PRKN: variants seen among roughly 807,000 people sequenced by gnomAD.
The protein encoded by PRKN is E3 ubiquitin-protein ligase parkin.
PRKN carries 56 observed loss-of-function variants against 59.5 expected under a neutral mutation model. That is an observed-to-expected ratio of 0.94 (90% CI 0.76 to 1.18). The LOEUF (loss-of-function observed/expected upper bound fraction) is 1.18, where lower values mean the gene tolerates loss of function less well. PRKN is among the 50% of genes most tolerant of loss of function. PRKN has a pLI of 0.00. For missense variants in PRKN, 657 were observed against 596.4 expected (o/e 1.10, Z -1.06); for synonymous variants, 250 against 222.1 (o/e 1.13, Z -1.12).
intron 2 of PRKN, among the ~76,000 whole-genome samples, chr6:162,314,205 A>T (rs1363315416): frequency 6.6e-6 from 1 of 152,180 alleles, no homozygotes; most frequent in Non-Finnish European, 1.5e-5. Context: ...TTCTGGGTTG[A>T]GTAAAGGGAA....
intron 7 of PRKN, among the ~76,000 whole-genome samples, chr6:161,624,403 C>T (rs1285137227): frequency 2.6e-5 from 4 of 152,118 alleles, no homozygotes; most frequent in South Asian, 2.1e-4. Flanking sequence ...TTCACAATAC[C>T]GTAACATAAT....
chr6:162,544,942 G>A (rs1260113533), intron 1 of PRKN, among the ~76,000 whole-genome samples: 10 of 149,724 alleles, frequency 6.7e-5, no homozygotes, highest in South Asian at 2.1e-4. Context: ...CTCCCAAAGC[G>A]CTGGGATTAC....
chr6:162,349,382 G>A lies in PRKN; in HGVS notation c.172-86617C>T, dbSNP rs529841841. 2.8e-3 allele frequency among the ~76,000 whole-genome samples: 425 copies of A among 152,220 alleles called. 5 individuals carry two copies. Among genetic ancestry groups the A allele is most frequent in the Non-Finnish European group, 3.3e-3 (223 of 68,000 alleles). ...ATGAGGGGGCAGAGGCAGGAGAATC[G>A]CTGGAACCCAGGAAGCAGAGGTTGC... is the stretch of plus-strand genomic sequence containing the variant. On this transcript the variant is annotated intron_variant, in intron 2 of 11. Coordinates refer to ENST00000366898, the MANE Select transcript of PRKN (RefSeq NM_004562.3).
intron 6 of PRKN, among the ~76,000 whole-genome samples, chr6:161,829,913 A>T (rs1223914214): frequency 7.9e-5 from 12 of 152,078 alleles, no homozygotes; most frequent in African/African-American, 2.9e-4. Context: ...ATATGTAGCA[A>T]GTGAACAAGT....
At chr6:162,231,845 C>T (rs951935968) in intron 3 of PRKN, among the ~76,000 whole-genome samples, 1 of 152,098 alleles carries the variant, frequency 6.6e-6, no homozygotes, top group African/African-American at 2.4e-5. Context: ...TTAAACAAGG[C>T]AATCTCTCCC....
chr6:162,062,073 T>C (rs1371303797), intron 4 of PRKN, among the ~76,000 whole-genome samples: 1 of 152,162 alleles, frequency 6.6e-6, no homozygotes, highest in Non-Finnish European at 1.5e-5. Context: ...GGTAGTCATG[T>C]GAGATAAATG....
At chr6:162,727,600 G>A (rs2128243085) in intron 1 of PRKN, 62 bp downstream of exon 1, 1 of 1,528,222 alleles carries the variant, frequency 6.5e-7, no homozygotes, top group Middle Eastern at 1.7e-4. Flanking sequence ...GAGGCGGGGC[G>A]TGGCGCCATA....
At chr6:161,899,000 T>C (rs993625564) in intron 6 of PRKN, among the ~76,000 whole-genome samples, 2 of 152,220 alleles carry the variant, frequency 1.3e-5, no homozygotes, top group Admixed American at 6.5e-5. Context: ...GGGCAGGGAA[T>C]CCAAGGGCTC....
chr6:161,469,429 T>C (rs907610957), intron 9 of PRKN, among the ~76,000 whole-genome samples: 1 of 152,148 alleles, frequency 6.6e-6, no homozygotes, highest in Admixed American at 6.5e-5. Context: ...TATTTCTTCA[T>C]AGCAGTGTGA....
intron 3 of PRKN, among the ~76,000 whole-genome samples, chr6:162,216,111 G>A (rs1459938062): frequency 7.9e-5 from 12 of 152,172 alleles, no homozygotes; most frequent in Non-Finnish European, 1.2e-4. Flanking sequence ...TGGACAGGAT[G>A]GGGAATAGCT....
chr6:162,317,272 C>T (rs1432771326), intron 2 of PRKN, among the ~76,000 whole-genome samples: 2 of 151,972 alleles, frequency 1.3e-5, no homozygotes, highest in Non-Finnish European at 2.9e-5. Flanking sequence ...GGGCACTTTC[C>T]CCGATACTGT....
chr6:161,380,921 C>T (rs73021276), intron 10 of PRKN, among the ~76,000 whole-genome samples: 9,917 of 152,160 alleles, frequency 0.065, 451 homozygotes, highest in South Asian at 0.2. Flanking sequence ...AGGTGTCTCC[C>T]CAACACCCCA....
Position 161,379,608 on chromosome 6 carries a change from C to G in PRKN, c.1167+7186G>C, listed in dbSNP as rs1785881046. Among the ~76,000 whole-genome samples, 1 of 152,212 alleles carries G rather than the reference C, an allele frequency of 6.6e-6. No individual in the cohort carries two copies. The highest frequency in any genetic ancestry group is 2.1e-4 in the South Asian group (1 of 4,834). ...GGGAAGTGCCCCCAGCTGAAGAAAG[C>G]TGCTTCACCCAAAGCCTTTCTTCCT... is the stretch of plus-strand genomic sequence containing the variant. On this transcript the variant is annotated intron_variant, in intron 10 of 11. Transcript: ENST00000366898. This position sits in a 1 kb window ranked among gnomAD's most constrained non-coding sequence, Gnocchi z 4.9.
chr6:162,331,783 C>A (rs1442125285), intron 2 of PRKN, among the ~76,000 whole-genome samples: 1 of 152,148 alleles, frequency 6.6e-6, no homozygotes, highest in East Asian at 1.9e-4. Context: ...TCTGATTGAC[C>A]TGGCATTTTC....
chr6:161,566,059 C>T lies in PRKN; in HGVS notation c.933+3296G>A, dbSNP rs942403976. ...TTACCATCAGTACATAGACATGCTG[C>T]AATTTTTCCCATTAAGAAGGTCATT... On this transcript the variant is annotated intron_variant, in intron 8 of 11. Transcript: ENST00000366898. The surrounding 1 kb of genome is among the most constrained non-coding windows in gnomAD (Gnocchi z 4.1). Among the ~76,000 whole-genome samples the T allele has an allele frequency of 3.3e-5, 5 of 152,220 alleles. No individual in the cohort carries two copies. The highest frequency in any genetic ancestry group is 7.3e-5 in the Non-Finnish European group (5 of 68,050).
intron 9 of PRKN, among the ~76,000 whole-genome samples, chr6:161,507,636 T>TC (rs1415306166): frequency 2.0e-5 from 3 of 151,914 alleles, no homozygotes; most frequent in Admixed American, 6.6e-5. Flanking sequence ...TTTGAGCCCT[T>TC]CCCCCTACCC....
At chr6:161,366,676 G>C (rs537783471) in intron 10 of PRKN, among the ~76,000 whole-genome samples, 1 of 152,238 alleles carries the variant, frequency 6.6e-6, no homozygotes, top group South Asian at 2.1e-4. Flanking sequence ...GCTGGGTCTT[G>C]GCCAATCCCA....
chr6:161,727,247 C>T (rs944027029), intron 7 of PRKN, among the ~76,000 whole-genome samples: 1 of 152,162 alleles, frequency 6.6e-6, no homozygotes, highest in East Asian at 1.9e-4. Context: ...GCCGTCCAAC[C>T]AACCCCTGCA....
rs189006553 is a variant in PRKN, at chr6:162,255,868, G to A, written c.412+6657C>T. On this transcript the variant is annotated intron_variant, in intron 3 of 11. Coordinates refer to ENST00000366898, the MANE Select transcript of PRKN (RefSeq NM_004562.3). ...AACTGTGGTAAACACTGGTTCAAAC[G>A]ATTTTCATTTAATCCACTGAAGTAA... 1.0e-3 allele frequency among the ~76,000 whole-genome samples: 156 copies of A among 152,256 alleles called. 1 individual carries two copies. Among genetic ancestry groups the A allele is most frequent in the African/African-American group, 3.6e-3 (148 of 41,554 alleles).
Sources: gnomAD v4.1 joint callset for allele counts (sites outside exome capture counted in the v4.1 genomes callset) on GRCh38, gnomAD v4.1.1 for gene constraint, Gnocchi (gnomAD v3.1) non-coding constraint, MANE v1.5 for transcripts, NCBI Gene and HGNC (gene_info 2026-07-23, HGNC 2026-07-21) for gene names.